Variants in COL4A4 observed in about 807,000 individuals in gnomAD.
COL4A4 encodes collagen type IV alpha 4 chain, also known as collagen alpha-4(IV) chain.
Under a neutral mutation model 192.9 loss-of-function variants are expected in COL4A4, and 105 were observed. The observed-to-expected ratio is 0.54, with a 90% confidence interval of 0.46 to 0.64. The LOEUF is 0.64. COL4A4 is among the 30% of genes least tolerant of loss of function. The probability of loss-of-function intolerance (pLI) is 0.00; values close to 1 mark genes in which losing one functional copy is unlikely to be tolerated. For synonymous variants in COL4A4, 762 were observed against 769.9 expected (o/e 0.99, Z 0.17); for missense variants, 1,967 against 2,169.3 (o/e 0.91, Z 1.85).
intron 34 of COL4A4, among the ~76,000 whole-genome samples, chr2:227,047,813 G>T (rs1217042232): frequency 1.3e-5 from 2 of 151,314 alleles, no homozygotes; most frequent in African/African-American, 4.9e-5. Context: ...TGATAAGTTT[G>T]AGTTTTTAAG....
intron 4 of COL4A4, among the ~76,000 whole-genome samples, chr2:227,139,593 C>T (rs927637601): frequency 1.1e-4 from 17 of 152,290 alleles, no homozygotes; most frequent in African/African-American, 4.1e-4. Flanking sequence ...CTTTCTTGGG[C>T]TTCAGTCTCC....
chr2:227,101,697 T>C (rs1225422784), intron 16 of COL4A4, 140 bp from the exon 17 acceptor site: 3 of 1,089,826 alleles, frequency 2.8e-6, no homozygotes, highest in East Asian at 2.6e-5. Context: ...CATCAGACAA[T>C]CTTGTGCTTC....
chr2:227,089,841 G>T, intron 21 of COL4A4, 27 bp downstream of exon 21: 2 of 1,574,426 alleles, frequency 1.3e-6, no homozygotes, highest in Non-Finnish European at 1.7e-6. Flanking sequence ...TTGTCTTCTA[G>T]AAATTCTACC....
intron 4 of COL4A4, among the ~76,000 whole-genome samples, chr2:227,127,842 C>T (rs2062179984): frequency 1.3e-5 from 2 of 152,174 alleles, no homozygotes; most frequent in Admixed American, 1.3e-4. Context: ...TAAATAAATG[C>T]AAGGTATAAA....
chr2:227,155,306 T>C (rs2064248810), intron 1 of COL4A4, among the ~76,000 whole-genome samples: 1 of 151,904 alleles, frequency 6.6e-6, no homozygotes, highest in Admixed American at 6.6e-5. Context: ...CATCTGGCAA[T>C]ATAGGCTTTT....
intron 8 of COL4A4, 168 bp downstream of exon 8, chr2:227,114,460 C>T: frequency 2.8e-6 from 2 of 717,330 alleles, no homozygotes; most frequent in South Asian, 3.0e-5. Context: ...GCGACTAAAG[C>T]CACTGCCTTC....
Position 227,059,542 on chromosome 2 carries a change from G to A in COL4A4, c.2246C>T (p.Ser749Leu). The A allele has an allele frequency of 6.2e-7, 1 of 1,614,070 alleles. No individual in the cohort carries two copies. ...SPVGPPGPPG[S>L]PGVNGQKGIP... The stretch of plus-strand genomic sequence containing the variant: ...TCCTTTCTGACCATTCACTCCTGGT[G>A]AGCCGGGAGGGCCTGGGGGCCCAAC... Residue 749 changes from serine to leucine, a missense_variant, in exon 28 of 48, where the codon TCA becomes TTA. By Grantham distance (145) the Ser-to-Leu change is moderately radical. Transcript: ENST00000396625.
At chr2:227,121,644 GAA>G (rs1265443558) in intron 4 of COL4A4, among the ~76,000 whole-genome samples, 1 of 150,174 alleles carries the variant, frequency 6.7e-6, no homozygotes, top group Admixed American at 6.6e-5. Context: ...GACAAGAAAA[GAA>G]AATGATTGAC....
At chr2:227,024,891 G>A (rs1966715314) in intron 43 of COL4A4, among the ~76,000 whole-genome samples, 2 of 152,170 alleles carry the variant, frequency 1.3e-5, no homozygotes, top group South Asian at 2.1e-4. Flanking sequence ...CAGAAAGTGG[G>A]AGCATGTGTT....
the COL4A4 span, among the ~76,000 whole-genome samples, chr2:226,968,624 T>TTGA: frequency 1.3e-5 from 2 of 152,202 alleles, no homozygotes; most frequent in Non-Finnish European, 1.5e-5. Flanking sequence ...AAAAAGAGCA[T>TTGA]CGCACTTGGA....
At chr2:226,992,892 C>CT in the COL4A4 span, among the ~76,000 whole-genome samples, 2 of 152,194 alleles carry the variant, frequency 1.3e-5, no homozygotes, top group Admixed American at 6.5e-5. Context: ...TTCTGAGCCT[C>CT]TGTTTCCTCT....
intron 35 of COL4A4, among the ~76,000 whole-genome samples, chr2:227,047,258 A>G (rs1177428362): frequency 6.6e-6 from 1 of 152,058 alleles, no homozygotes; most frequent in Non-Finnish European, 1.5e-5. Flanking sequence ...GCCATGATGG[A>G]AAAATGATTG....
intron 25 of COL4A4, among the ~76,000 whole-genome samples, chr2:227,066,883 A>C (rs1049913025): frequency 3.3e-5 from 5 of 151,800 alleles, no homozygotes; most frequent in African/African-American, 4.8e-5. Context: ...CTTTAAATGT[A>C]AATGGACTAA....
intron 4 of COL4A4, among the ~76,000 whole-genome samples, chr2:227,137,411 G>A (rs1405103569): frequency 7.9e-5 from 12 of 152,216 alleles, no homozygotes; most frequent in South Asian, 2.1e-4. Context: ...AGCCAGACAC[G>A]TGGGTGTGAT....
the COL4A4 span, among the ~76,000 whole-genome samples, chr2:226,985,437 CT>C: frequency 1.3e-5 from 2 of 152,248 alleles, no homozygotes; most frequent in Non-Finnish European, 2.9e-5. Context: ...AACCCTAATT[CT>C]GCTTACGATG....
At chr2:227,039,913 T>A (rs1970438416) in intron 37 of COL4A4, among the ~76,000 whole-genome samples, 1 of 152,342 alleles carries the variant, frequency 6.6e-6, no homozygotes, top group African/African-American at 2.4e-5. Flanking sequence ...CGGAGAACAG[T>A]ACAAAGATGT....
At chr2:227,155,741 A>G (rs1402651372) in intron 1 of COL4A4, among the ~76,000 whole-genome samples, 4 of 151,824 alleles carry the variant, frequency 2.6e-5, no homozygotes, top group Admixed American at 6.6e-5. Flanking sequence ...CTGCCCCTAC[A>G]TGGAAACCAT....
At chr2:227,101,725 C>A in intron 16 of COL4A4, 140 bp downstream of exon 16, 2 of 1,045,072 alleles carry the variant, frequency 1.9e-6, no homozygotes, top group Admixed American at 2.0e-5. Flanking sequence ...GCACCCACAG[C>A]TAAATCCTGC....
chr2:227,016,660 A>C (rs1454790420), intron 44 of COL4A4, among the ~76,000 whole-genome samples: 1 of 152,060 alleles, frequency 6.6e-6, no homozygotes, highest in Non-Finnish European at 1.5e-5. Context: ...TCACGTCCTC[A>C]TATTGCCTGC....
Sources: allele counts gnomAD v4.1 joint callset (sites outside exome capture counted in the v4.1 genomes callset), GRCh38; gene constraint gnomAD v4.1.1; transcripts MANE v1.5; gene names NCBI Gene and HGNC (gene_info 2026-07-23, HGNC 2026-07-21).